Variants in ARHGAP8 observed in about 807,000 individuals in gnomAD.
ARHGAP8 encodes Rho GTPase activating protein 8, also known as rho GTPase-activating protein 8.
ARHGAP8 carries 62 observed loss-of-function variants against 46.1 expected under a neutral mutation model. That is an observed-to-expected ratio of 1.34 (90% confidence interval 1.10 to 1.66). The LOEUF is 1.66. Among genes scored for constraint, ARHGAP8 ranks in the 40% most tolerant of loss-of-function variants. The probability of loss-of-function intolerance (pLI) is 0.00; values close to 1 mark genes in which losing one functional copy is unlikely to be tolerated. For synonymous variants in ARHGAP8, 375 were observed against 243.1 expected (o/e 1.54, Z -5.05); for missense variants, 923 against 568.4 (o/e 1.62, Z -6.34).
intron 2 of ARHGAP8, among the ~76,000 whole-genome samples, chr22:44,795,608 G>C (rs538393982): frequency 1.4e-4 from 22 of 152,220 alleles, no homozygotes; most frequent in African/African-American, 5.1e-4. Flanking sequence ...CCCACCACCT[G>C]CAAACCAGAC....
At chr22:44,755,146 G>A (rs1375694421) in intron 1 of ARHGAP8, among the ~76,000 whole-genome samples, 1 of 152,244 alleles carries the variant, frequency 6.6e-6, no homozygotes, top group Non-Finnish European at 1.5e-5. Flanking sequence ...GTTCACAGAT[G>A]AGGAAACAGA....
chr22:44,762,019 A>G (rs1230461871), intron 1 of ARHGAP8, among the ~76,000 whole-genome samples: 2 of 152,248 alleles, frequency 1.3e-5, no homozygotes, highest in African/African-American at 4.8e-5. Flanking sequence ...CCATAATGTG[A>G]GAATTATGGG....
At chr22:44,823,289 G>T (rs1247667004) in intron 6 of ARHGAP8, among the ~76,000 whole-genome samples, 2 of 152,154 alleles carry the variant, frequency 1.3e-5, no homozygotes, top group Non-Finnish European at 2.9e-5. Flanking sequence ...CCCAGCTGGG[G>T]AGGGGACTGG....
chr22:44,814,132 G>A (rs1201530456), intron 4 of ARHGAP8, among the ~76,000 whole-genome samples: 1 of 152,230 alleles, frequency 6.6e-6, no homozygotes, highest in African/African-American at 2.4e-5. Flanking sequence ...ATTCAAGAAG[G>A]AAGCATGGAG....
At chr22:44,844,987 A>G (rs2069917289) in intron 7 of ARHGAP8, among the ~76,000 whole-genome samples, 1 of 151,874 alleles carries the variant, frequency 6.6e-6, no homozygotes, top group Non-Finnish European at 1.5e-5. Context: ...CATCCCTCAA[A>G]ACCCAGCTCT....
chr22:44,827,952 G>T (rs1930654932), intron 7 of ARHGAP8, among the ~76,000 whole-genome samples: 1 of 152,178 alleles, frequency 6.6e-6, no homozygotes, highest in African/African-American at 2.4e-5. Flanking sequence ...GACGAGGTCT[G>T]CACGGTCCAG....
chr22:44,783,862 C>T lies in ARHGAP8; in HGVS notation c.-71-2595C>T, dbSNP rs181901488. Among the ~76,000 whole-genome samples, 266 of 152,190 alleles carry T rather than the reference C, an allele frequency of 1.7e-3. 1 individual carries two copies. The highest frequency in any genetic ancestry group is 6.3e-3 in the African/African-American group (262 of 41,514). ...GCCCATCCTGCCTCCAGCCGCAGAGCCTGTCCCCATCATTCTCTCTGCCTC... is the reference window on the plus strand; with the variant it reads ...GCCCATCCTGCCTCCAGCCGCAGAGTCTGTCCCCATCATTCTCTCTGCCTC... On this transcript the variant is annotated intron_variant, in intron 1 of 11. Transcript: ENST00000356099.
In ARHGAP8 at chr22:44,859,968, GCCC is replaced by G. The variant is rs1316126803; in HGVS notation, c.981+138_981+140del. On this transcript the variant is annotated intron_variant, in intron 11 of 11. Coordinates refer to ENST00000356099, the MANE Select transcript of ARHGAP8 (RefSeq NM_181335.3). ...CTTGGGCCTCGGAATACCACTCCCT[GCCC>G]CCCAAGGACCTCATCCAAGGCCTGG... 2.0e-5 allele frequency: 21 copies of G among 1,071,862 alleles called. No individual in the cohort carries two copies. The East Asian group carries it at 3.4e-4, about 17-fold the overall frequency. The allele number at this position is 1,071,862 out of a possible 1,614,324, so 66.4% of individuals were successfully genotyped here.
chr22:44,846,020 C>A (rs1043194720), intron 8 of ARHGAP8, among the ~76,000 whole-genome samples: 52 of 149,282 alleles, frequency 3.5e-4, no homozygotes, highest in Admixed American at 8.0e-4. Context: ...TGCCCCCCCC[C>A]ATCCCCACCA....
intron 6 of ARHGAP8, among the ~76,000 whole-genome samples, chr22:44,824,307 G>A (rs568598783): frequency 6.6e-6 from 1 of 152,336 alleles, no homozygotes; most frequent in Admixed American, 6.5e-5. Flanking sequence ...CACTTGGGGC[G>A]CAGAGCGCTG....
At chr22:44,844,833 G>A (rs2069914025) in intron 7 of ARHGAP8, among the ~76,000 whole-genome samples, 1 of 152,162 alleles carries the variant, frequency 6.6e-6, no homozygotes, top group Non-Finnish European at 1.5e-5. Flanking sequence ...ATAACATACT[G>A]AGTTTTTTAA....
chr22:44,832,708 G>A (rs772563942), intron 7 of ARHGAP8, among the ~76,000 whole-genome samples: 5 of 152,080 alleles, frequency 3.3e-5, no homozygotes, highest in Admixed American at 6.6e-5. Context: ...AAATAGAGAT[G>A]GCTTTACTTC....
intron 1 of ARHGAP8, among the ~76,000 whole-genome samples, chr22:44,752,906 C>G (rs1229272103): frequency 6.7e-6 from 1 of 150,310 alleles, no homozygotes; most frequent in Admixed American, 6.6e-5. Context: ...CTGTCCTGTT[C>G]CTTCTCACCC....
At chr22:44,759,276 G>C (rs1924936515) in intron 1 of ARHGAP8, among the ~76,000 whole-genome samples, 1 of 152,206 alleles carries the variant, frequency 6.6e-6, no homozygotes, top group Non-Finnish European at 1.5e-5. Flanking sequence ...GGCACACACA[G>C]TGATGGGTCA....
chr22:44,773,368 T>G (rs923304996), intron 1 of ARHGAP8, among the ~76,000 whole-genome samples: 1 of 152,260 alleles, frequency 6.6e-6, no homozygotes, highest in African/African-American at 2.4e-5. Flanking sequence ...TTAAGACATT[T>G]ACTTTGTAAA....
rs2070023374 is a variant in ARHGAP8, at chr22:44,848,796, C to T, written c.749-136C>T. 4.7e-6 allele frequency: 7 copies of T among 1,485,916 alleles called. No homozygotes were observed. In the Middle Eastern group the frequency reaches 6.5e-4, roughly 138 times the overall value. The allele number at this position is 1,485,916 out of a possible 1,614,324, so 92.0% of individuals were successfully genotyped here. On this transcript the variant is annotated intron_variant, in intron 9 of 11. Transcript: ENST00000356099. ...ACCCATTTCTAGGTGGGGACAGCAT[C>T]ATCCCTAGGACACATGGCTCCAGCA...
In ARHGAP8 at chr22:44,859,927, C is replaced by G. The variant is rs533795724; in HGVS notation, c.981+93C>G. On this transcript the variant is annotated intron_variant, in intron 11 of 11. Coordinates refer to ENST00000356099, the MANE Select transcript of ARHGAP8 (RefSeq NM_181335.3). ...GACCAGTCCCCTCCTTGCCCTGGGT[C>G]TGGGGTCATGCCCTGCTTGGGCCTC... 2.7e-5 allele frequency: 39 copies of G among 1,439,196 alleles called. No individual in the cohort carries two copies. The South Asian group carries it at 4.5e-4, about 17-fold the overall frequency. The allele number at this position is 1,439,196 out of a possible 1,614,324, so 89.2% of individuals were successfully genotyped here. A position where few individuals can be genotyped will look rare whatever the true frequency, so the allele number is the denominator to read the frequency against.
At chr22:44,765,527 C>G (rs981737148) in intron 1 of ARHGAP8, 1 of 152,690 alleles carries the variant, frequency 6.5e-6, no homozygotes, top group Non-Finnish European at 1.5e-5. Context: ...AGAGCCTGGG[C>G]TGCAGTGAGG....
intron 1 of ARHGAP8, among the ~76,000 whole-genome samples, chr22:44,782,435 T>G (rs1299290246): frequency 6.6e-6 from 1 of 152,194 alleles, no homozygotes; most frequent in Non-Finnish European, 1.5e-5. Flanking sequence ...CCACCGCTGC[T>G]AGTTAGTTCC....
Sources: gnomAD v4.1 joint callset for allele counts (sites outside exome capture counted in the v4.1 genomes callset) on GRCh38, gnomAD v4.1.1 for gene constraint, MANE v1.5 for transcripts, NCBI Gene and HGNC (gene_info 2026-07-23, HGNC 2026-07-21) for gene names.